The following BICC1 variants were observed in gnomAD, a reference collection of about 807,000 sequenced individuals.
The protein encoded by BICC1 is protein bicaudal C homolog 1.
Under a neutral mutation model 111.0 loss-of-function variants are expected in BICC1, and 43 were observed. The observed-to-expected ratio is 0.39, with a 90% confidence interval of 0.30 to 0.50. The LOEUF (loss-of-function observed/expected upper bound fraction) is 0.50. Among genes scored for constraint, BICC1 ranks in the 20% least tolerant of loss-of-function variants. The pLI is 0.88. For missense variants in BICC1, 1,091 were observed against 1,203.2 expected, an observed-to-expected ratio of 0.91 and a Z score of 1.38; for synonymous variants, 467 against 434.4, an observed-to-expected ratio of 1.07 and a Z score of -0.93.
At chr10:58,679,812 G>A (rs1839459808) in intron 2 of BICC1, among the ~76,000 whole-genome samples, 1 of 152,178 alleles carries the variant, frequency 6.6e-6, no homozygotes, top group Non-Finnish European at 1.5e-5. Context: ...ACCGGATCCA[G>A]CAGCACATTA....
chr10:58,585,377 G>C (rs1179307735), intron 1 of BICC1, among the ~76,000 whole-genome samples: 1 of 152,184 alleles, frequency 6.6e-6, no homozygotes, highest in African/African-American at 2.4e-5. Context: ...GCTATCATTA[G>C]AAGATCCAAT....
intron 20 of BICC1, among the ~76,000 whole-genome samples, chr10:58,825,930 G>A (rs1844381335): frequency 6.6e-6 from 1 of 151,996 alleles, no homozygotes; most frequent in South Asian, 2.1e-4. Context: ...ACAGATTGAG[G>A]TGTGTAGCTG....
chr10:58,641,253 G>A (rs1838113544), intron 2 of BICC1, among the ~76,000 whole-genome samples: 1 of 152,194 alleles, frequency 6.6e-6, no homozygotes, highest in Admixed American at 6.5e-5. Context: ...TCTATCATGC[G>A]ATGGCTGCTA....
chr10:58,800,907 G>T lies in BICC1; in HGVS notation c.1876G>T (p.Val626Phe). 6.3e-7 allele frequency: 1 copy of T among 1,597,822 alleles called. No individual in the cohort carries two copies. Among genetic ancestry groups the T allele is most frequent in the Non-Finnish European group, 8.5e-7 (1 of 1,173,084 alleles). The change falls in exon 14 of 21, where the codon GTT (valine) becomes TTT (phenylalanine). Residue 626 changes from valine (V) to phenylalanine (F), a missense_variant. Transcript: ENST00000373886. ...SPTEGCNDAF[V>F]EVGMPRSPSH... Reference sequence around the variant, plus strand: ...CTCTGCAGGTTGTAATGATGCTTTTGTTGAAGTAGGCATGCCTCGAAGTCC... The same window carrying T: ...CTCTGCAGGTTGTAATGATGCTTTTTTTGAAGTAGGCATGCCTCGAAGTCC...
chr10:58,687,533 T>C (rs1839774114), intron 2 of BICC1, among the ~76,000 whole-genome samples: 1 of 152,210 alleles, frequency 6.6e-6, no homozygotes, highest in South Asian at 2.1e-4. Flanking sequence ...TTGAGCTTCC[T>C]GGCCACTTTG....
At chr10:58,627,785 A>G (rs1037340092) in intron 2 of BICC1, among the ~76,000 whole-genome samples, 2 of 152,204 alleles carry the variant, frequency 1.3e-5, no homozygotes, top group Non-Finnish European at 2.9e-5. Flanking sequence ...TTAATATATT[A>G]CGTAGAACAT....
chr10:58,798,649 A>C (rs1843436778), intron 11 of BICC1, 89 bp downstream of exon 11: 1 of 1,254,588 alleles, frequency 8.0e-7, no homozygotes, highest in East Asian at 2.6e-5. Flanking sequence ...CAGTTTTCTT[A>C]AGGCAAAATT....
chr10:58,729,973 C>T (rs148790003), intron 3 of BICC1, among the ~76,000 whole-genome samples: 1 of 152,280 alleles, frequency 6.6e-6, no homozygotes, highest in African/African-American at 2.4e-5. Flanking sequence ...GATCTCATAT[C>T]CTTCTCACAT....
chr10:58,791,599 G>A (rs1190584576), intron 8 of BICC1, among the ~76,000 whole-genome samples: 1 of 152,036 alleles, frequency 6.6e-6, no homozygotes, highest in African/African-American at 2.4e-5. Flanking sequence ...AGTTAGCCGG[G>A]CATAGTGGTG....
intron 3 of BICC1, among the ~76,000 whole-genome samples, chr10:58,759,609 T>C (rs1331418493): frequency 6.6e-6 from 1 of 152,138 alleles, no homozygotes; most frequent in African/African-American, 2.4e-5. Context: ...TTTTCTATGG[T>C]GTAAAAGAAA....
intron 8 of BICC1, among the ~76,000 whole-genome samples, chr10:58,792,578 A>G (rs1297058318): frequency 6.6e-6 from 1 of 152,124 alleles, no homozygotes; most frequent in Admixed American, 6.6e-5. Context: ...TAAGATTCTC[A>G]TAGGGGCATG....
Position 58,796,405 on chromosome 10 carries a change from C to T in BICC1, c.1245C>T (p.Leu415=), listed in dbSNP as rs372910652. ...LNMYEARKCL[L]GLESSGVTIA... is the part of the protein sequence containing the mutation. ...TGTATGAAGCAAGGAAATGTCTCCT[C>T]GGACTTGAAAGCAGTGGGGTTACCA... The change falls in exon 10 of 21, where the codon CTC becomes CTT. Residue 415 remains leucine, a synonymous_variant. Coordinates refer to ENST00000373886, the MANE Select transcript of BICC1 (RefSeq NM_001080512.3). 371 of 1,614,114 alleles carry T rather than the reference C, an allele frequency of 2.3e-4. 4 individuals are homozygous for T. The highest frequency in any genetic ancestry group is 1.5e-3 in the South Asian group (138 of 91,080).
At position 58,580,243 on chromosome 10, in the gene BICC1, C is replaced by T. The variant is rs1215728011; in HGVS notation, c.191-40612C>T. Among the ~76,000 whole-genome samples, 4 of 152,150 alleles carry T rather than the reference C, an allele frequency of 2.6e-5. No individual in the cohort carries two copies. The South Asian group carries it at 8.3e-4, about 32-fold the overall frequency. ...TTCACCATGTTGGCTAGGTTGGTCT[C>T]GAACTCCTGTCCTCAAGTGATCTGC... On this transcript the variant is annotated intron_variant, in intron 1 of 20. Coordinates refer to ENST00000373886, the MANE Select transcript of BICC1 (RefSeq NM_001080512.3).
intron 2 of BICC1, among the ~76,000 whole-genome samples, chr10:58,685,956 G>T (rs540484547): frequency 6.6e-6 from 1 of 152,176 alleles, no homozygotes; most frequent in Admixed American, 6.5e-5. Context: ...TTTCTTCCTA[G>T]CATCAATGGT....
intron 3 of BICC1, among the ~76,000 whole-genome samples, chr10:58,712,700 G>A (rs372589628): frequency 6.6e-6 from 1 of 152,160 alleles, no homozygotes; most frequent in South Asian, 2.1e-4. Context: ...CAGGGACTTC[G>A]TGGGAGGGAA....
chr10:58,783,454 G>A (rs1213071247), intron 3 of BICC1, among the ~76,000 whole-genome samples: 1 of 151,850 alleles, frequency 6.6e-6, no homozygotes, highest in Non-Finnish European at 1.5e-5. Context: ...TCTCTGTGGC[G>A]TTTTCACCTA....
chr10:58,689,248 G>C (rs1187000271), intron 2 of BICC1, among the ~76,000 whole-genome samples: 1 of 152,100 alleles, frequency 6.6e-6, no homozygotes, highest in African/African-American at 2.4e-5. Flanking sequence ...TTCACATGTG[G>C]TAAGAGAAAG....
At chr10:58,600,216 CAT>C (rs1220132529) in intron 1 of BICC1, among the ~76,000 whole-genome samples, 11 of 152,136 alleles carry the variant, frequency 7.2e-5, no homozygotes, top group African/African-American at 1.2e-4. Flanking sequence ...ATGCATGTCA[CAT>C]AGCACCCCGT....
chr10:58,759,240 G>A (rs184576671), intron 3 of BICC1, among the ~76,000 whole-genome samples: 323 of 152,176 alleles, frequency 2.1e-3, no homozygotes, highest in African/African-American at 7.3e-3. Flanking sequence ...AATTACAGGA[G>A]TGAGCAACCA....
Sources: allele counts gnomAD v4.1 joint callset (sites outside exome capture counted in the v4.1 genomes callset), GRCh38; gene constraint gnomAD v4.1.1; transcripts MANE v1.5; gene names NCBI Gene and HGNC (gene_info 2026-07-23, HGNC 2026-07-21).